Variants in SOX6 observed in about 807,000 individuals in gnomAD.
SOX6 encodes the protein transcription factor SOX-6.
Under a neutral mutation model 97.8 loss-of-function variants are expected in SOX6, and 11 were observed. The ratio of observed to expected loss-of-function variants is 0.11; its 90% CI spans 0.07 to 0.19. The LOEUF is 0.19. Ranked by LOEUF, SOX6 falls within the 10% of genes least tolerant of loss-of-function variation. The probability of loss-of-function intolerance (pLI) is 1.00; values close to 1 mark genes in which losing one functional copy is unlikely to be tolerated. For missense variants in SOX6, 810 were observed against 1,039.5 expected (o/e 0.78, Z 3.04); for synonymous variants, 360 against 371.4 (o/e 0.97, Z 0.35).
chr11:16,112,937 CA>C (rs1197050408), intron 6 of SOX6, among the ~76,000 whole-genome samples: 1 of 152,090 alleles, frequency 6.6e-6, no homozygotes, highest in Non-Finnish European at 1.5e-5. Flanking sequence ...TAAGTTCAAA[CA>C]GGGTATTTAG....
intron 2 of SOX6, among the ~76,000 whole-genome samples, chr11:16,733,344 T>C (rs1017452412): frequency 2.0e-5 from 3 of 152,144 alleles, no homozygotes; most frequent in African/African-American, 7.2e-5. Context: ...CCATCAATGA[T>C]AGACTGGATA....
chr11:16,258,963 T>C (rs561300970), intron 3 of SOX6, among the ~76,000 whole-genome samples: 11 of 145,022 alleles, frequency 7.6e-5, no homozygotes, highest in East Asian at 6.1e-4. Context: ...CACTCTATTT[T>C]TTGTGAACCT....
At chr11:16,043,468 G>A (rs1362468991) in intron 12 of SOX6, among the ~76,000 whole-genome samples, 1 of 152,098 alleles carries the variant, frequency 6.6e-6, no homozygotes, top group East Asian at 1.9e-4. Context: ...GACTCCACTG[G>A]TGCCGTGCTG....
At chr11:16,581,552 G>A (rs531631358) in intron 4 of SOX6, among the ~76,000 whole-genome samples, 6 of 152,198 alleles carry the variant, frequency 3.9e-5, no homozygotes, top group South Asian at 2.1e-4. Flanking sequence ...CATGGCATAC[G>A]TATACCTGTG....
chr11:16,140,430 T>C (rs1292929199), intron 6 of SOX6, among the ~76,000 whole-genome samples: 4 of 152,202 alleles, frequency 2.6e-5, no homozygotes, highest in Non-Finnish European at 5.9e-5. Flanking sequence ...AGTAGAAAGA[T>C]CACAAGTTTT....
intron 6 of SOX6, among the ~76,000 whole-genome samples, chr11:16,182,408 C>A (rs1258951416): frequency 6.6e-6 from 1 of 151,728 alleles, no homozygotes; most frequent in African/African-American, 2.4e-5. Flanking sequence ...GAGGGATCTA[C>A]AGAAAAATGT....
chr11:16,171,387 G>A (rs1470455545), intron 6 of SOX6, among the ~76,000 whole-genome samples: 1 of 151,976 alleles, frequency 6.6e-6, no homozygotes, highest in Non-Finnish European at 1.5e-5. Flanking sequence ...TTCATATCTA[G>A]TTAGATATTA....
At chr11:16,532,923 A>G (rs1279547309) in intron 4 of SOX6, among the ~76,000 whole-genome samples, 1 of 151,926 alleles carries the variant, frequency 6.6e-6, no homozygotes, top group African/African-American at 2.4e-5. Context: ...TAAATTAAAC[A>G]TCTGTATATT....
chr11:16,539,373 A>C (rs931200279), intron 4 of SOX6, among the ~76,000 whole-genome samples: 1 of 152,238 alleles, frequency 6.6e-6, no homozygotes, highest in African/African-American at 2.4e-5. Flanking sequence ...AGCAGGAAAC[A>C]TCTAAAATCG....
intron 3 of SOX6, among the ~76,000 whole-genome samples, chr11:16,620,893 C>G (rs758456225): frequency 6.6e-6 from 1 of 152,134 alleles, no homozygotes; most frequent in Non-Finnish European, 1.5e-5. Context: ...CCAACTATCA[C>G]AATTTTGTGG....
chr11:16,530,844 A>C (rs1450237832), intron 4 of SOX6, among the ~76,000 whole-genome samples: 1 of 151,656 alleles, frequency 6.6e-6, no homozygotes, highest in Non-Finnish European at 1.5e-5. Flanking sequence ...GGATAGCCTG[A>C]CTTAAGGTGC....
At chr11:16,385,050 T>A (rs1857939258) in intron 1 of SOX6, among the ~76,000 whole-genome samples, 1 of 152,074 alleles carries the variant, frequency 6.6e-6, no homozygotes, top group Non-Finnish European at 1.5e-5. Flanking sequence ...AGGCACAAAG[T>A]ACTAACTAGG....
chr11:16,042,175 A>G (rs79091059), intron 12 of SOX6, among the ~76,000 whole-genome samples: 3,655 of 152,280 alleles, frequency 0.024, 145 homozygotes, highest in African/African-American at 0.083. Context: ...AAAATAGCAC[A>G]GGGAGAACTG....
intron 3 of SOX6, among the ~76,000 whole-genome samples, chr11:16,683,365 T>C (rs1193948731): frequency 6.6e-6 from 1 of 152,208 alleles, no homozygotes. Flanking sequence ...CAAAACAGCA[T>C]GGTACTGGTA....
intron 1 of SOX6, among the ~76,000 whole-genome samples, chr11:16,417,618 T>G (rs886432385): frequency 6.6e-6 from 1 of 152,102 alleles, no homozygotes; most frequent in African/African-American, 2.4e-5. Context: ...TCCAGCAACT[T>G]AATTTGGAAA....
chr11:16,015,060 C>A lies in SOX6; in HGVS notation c.1624-10G>T. 8.1e-6 allele frequency: 13 copies of A among 1,610,494 alleles called. No homozygotes were observed. Among genetic ancestry groups the A allele is most frequent in the Non-Finnish European group, 1.1e-5 (13 of 1,177,382 alleles). On this transcript the variant is annotated splice_polypyrimidine_tract_variant and intron_variant, in intron 12 of 15. Coordinates refer to ENST00000683767, the MANE Select transcript of SOX6 (RefSeq NM_001367873.1). ...CAAAGCGCGTTCTTTCCTAGAGGAA[C>A]AAATAATCAGAGGCTTATTCTAGTT... is the stretch of plus-strand genomic sequence containing the variant.
At chr11:16,521,564 A>G (rs1029970132) in intron 4 of SOX6, among the ~76,000 whole-genome samples, 3 of 152,170 alleles carry the variant, frequency 2.0e-5, no homozygotes, top group African/African-American at 4.8e-5. Flanking sequence ...AAACTCTAAA[A>G]AGCAGAGCGC....
intron 12 of SOX6, among the ~76,000 whole-genome samples, chr11:16,036,204 C>A (rs568272239): frequency 1.1e-4 from 16 of 151,928 alleles, no homozygotes; most frequent in African/African-American, 3.6e-4. Context: ...CTCAGCCTCC[C>A]GAGTAGCTGG....
intron 6 of SOX6, among the ~76,000 whole-genome samples, chr11:16,172,303 C>T (rs575090711): frequency 4.6e-5 from 7 of 152,158 alleles, no homozygotes; most frequent in Non-Finnish European, 5.9e-5. Context: ...TGATATTTCA[C>T]TTGCAACACT....
Sources: gnomAD v4.1 joint callset for allele counts (sites outside exome capture counted in the v4.1 genomes callset) on GRCh38, gnomAD v4.1.1 for gene constraint, MANE v1.5 for transcripts, NCBI Gene and HGNC (gene_info 2026-07-23, HGNC 2026-07-21) for gene names.